DTL: variants seen among roughly 807,000 people sequenced by gnomAD.
DTL encodes the protein denticleless E3 ubiquitin protein ligase adapter.
In DTL, 46 loss-of-function variants were observed where a neutral mutation model predicts 87.0. The observed-to-expected ratio is 0.53, with a 90% CI of 0.42 to 0.68. The LOEUF (loss-of-function observed/expected upper bound fraction) is 0.68. Among genes scored for constraint, DTL ranks in the 30% least tolerant of loss-of-function variants. The pLI, the probability that DTL is intolerant of heterozygous loss-of-function variation, is 0.00. For synonymous variants in DTL, 308 were observed against 311.2 expected, an observed-to-expected ratio of 0.99 and a Z score of 0.11; for missense variants, 737 against 869.4, an observed-to-expected ratio of 0.85 and a Z score of 1.91.
Position 212,053,562 on chromosome 1 carries a change from TA to T in DTL, c.460+6146del, listed in dbSNP as rs200051595. 6.8e-3 allele frequency among the ~76,000 whole-genome samples: 1,036 copies of T among 152,218 alleles called. 16 individuals carry two copies. Among genetic ancestry groups the T allele is most frequent in the African/African-American group, 0.023 (966 of 41,538 alleles). On this transcript the variant is annotated intron_variant, in intron 5 of 14. Coordinates refer to ENST00000366991, the MANE Select transcript of DTL (RefSeq NM_016448.4). ...TCTTTTTATTGATTACAAGTGTATA[TA>T]TTTTTTTCTTCCTTTTTTTGTTTTT...
At chr1:212,061,057 G>T (rs1358265858) in intron 5 of DTL, among the ~76,000 whole-genome samples, 1 of 152,100 alleles carries the variant, frequency 6.6e-6, no homozygotes, top group Non-Finnish European at 1.5e-5. Context: ...ATATTAAAAA[G>T]TAGGCAAACA....
At chr1:212,093,656 C>A (rs116300482) in intron 13 of DTL, among the ~76,000 whole-genome samples, 1 of 152,144 alleles carries the variant, frequency 6.6e-6, no homozygotes, top group African/African-American at 2.4e-5. Flanking sequence ...CTTCTGCCAG[C>A]GTGCTTCTCA....
chr1:212,097,025 T>C (rs1655472297), intron 13 of DTL, among the ~76,000 whole-genome samples: 1 of 152,214 alleles, frequency 6.6e-6, no homozygotes, highest in African/African-American at 2.4e-5. Context: ...TTAGCAGTTT[T>C]TGTAAACTAT....
chr1:212,066,840 T>A lies in DTL; in HGVS notation c.668T>A (p.Leu223His), dbSNP rs1293621315. The A allele has an allele frequency of 6.2e-7, 1 of 1,614,018 alleles. No homozygotes were observed. Among genetic ancestry groups the A allele is most frequent in the Admixed American group, 1.7e-5 (1 of 60,022 alleles). The change falls in exon 8 of 15, where the codon CTC becomes CAC. Residue 223 changes from leucine to histidine, a missense_variant. By Grantham distance (99) the Leu-to-His change is moderately conservative. Transcript: ENST00000366991. ...VDFQQSVTVVLFQDENTLVSA... is the reference protein window; with the variant it reads ...VDFQQSVTVVHFQDENTLVSA... ...TTCCAGCAAAGTGTTACTGTGGTCC[T>A]CTTTCAAGACGAGAATACCTTAGTC... is the stretch of plus-strand genomic sequence containing the variant.
intron 11 of DTL, among the ~76,000 whole-genome samples, chr1:212,074,558 G>A (rs1051202438): frequency 2.6e-5 from 4 of 151,992 alleles, no homozygotes; most frequent in South Asian, 2.1e-4. Context: ...CACATAACTC[G>A]GTGTACAGGC....
intron 13 of DTL, among the ~76,000 whole-genome samples, chr1:212,098,070 G>A (rs1297585948): frequency 6.6e-6 from 1 of 152,152 alleles, no homozygotes; most frequent in Admixed American, 6.5e-5. Flanking sequence ...CCTGTGATGT[G>A]ATCTGTCTTC....
At chr1:212,041,872 G>A (rs559226418) in intron 1 of DTL, among the ~76,000 whole-genome samples, 1 of 152,254 alleles carries the variant, frequency 6.6e-6, no homozygotes, top group African/African-American at 2.4e-5. Flanking sequence ...CTGAAATTAT[G>A]ACGTGATGGC....
At chr1:212,066,093 A>G (rs952810603) in intron 7 of DTL, among the ~76,000 whole-genome samples, 9 of 152,310 alleles carry the variant, frequency 5.9e-5, no homozygotes, top group Middle Eastern at 3.4e-3. Flanking sequence ...AGCTCAAACA[A>G]TGCCCATAAT....
At chr1:212,065,091 G>T in intron 7 of DTL, 62 bp downstream of exon 7, 1 of 1,196,592 alleles carries the variant, frequency 8.4e-7, no homozygotes, top group Non-Finnish European at 1.2e-6. Flanking sequence ...ATAAATGGGA[G>T]GCTATTGATT....
intron 13 of DTL, among the ~76,000 whole-genome samples, chr1:212,087,032 A>T (rs1655149657): frequency 6.6e-6 from 1 of 152,220 alleles, no homozygotes; most frequent in Non-Finnish European, 1.5e-5. Flanking sequence ...TTGTAATAAT[A>T]ACAACGTTTA....
chr1:212,059,852 T>A, intron 5 of DTL, among the ~76,000 whole-genome samples: 1 of 114,012 alleles, frequency 8.8e-6, no homozygotes. Flanking sequence ...AAAATCAACA[T>A]ACAAAAAAAA....
chr1:212,067,027 A>C, intron 8 of DTL, 142 bp downstream of exon 8: 1 of 674,880 alleles, frequency 1.5e-6, no homozygotes. Context: ...AAGGAGCTAT[A>C]GATCACATTG....
intron 10 of DTL, among the ~76,000 whole-genome samples, chr1:212,070,623 CTGAA>C (rs1299148763): frequency 6.9e-6 from 1 of 143,998 alleles, no homozygotes; most frequent in Non-Finnish European, 1.6e-5. Flanking sequence ...AAAAAAAAAA[CTGAA>C]TGACAACTGT....
intron 13 of DTL, among the ~76,000 whole-genome samples, chr1:212,093,751 G>T (rs1220668185): frequency 6.6e-6 from 1 of 152,202 alleles, no homozygotes; most frequent in Non-Finnish European, 1.5e-5. Flanking sequence ...TCCTGCTAGG[G>T]TCTTGGGGGT....
At chr1:212,101,196 T>A in intron 14 of DTL, 112 bp downstream of exon 14, 1 of 792,898 alleles carries the variant, frequency 1.3e-6, no homozygotes, top group East Asian at 2.8e-5. Flanking sequence ...ATCTATTTAT[T>A]CCTAGTGCTG....
chr1:212,089,748 GC>G (rs1182721974), intron 13 of DTL, among the ~76,000 whole-genome samples: 4 of 152,134 alleles, frequency 2.6e-5, no homozygotes, highest in Non-Finnish European at 5.9e-5. Context: ...AAGAGGAAAT[GC>G]CCCAACTTTC....
chr1:212,043,053 A>G lies in DTL; in HGVS notation c.113A>G (p.Asp38Gly). 6.2e-7 allele frequency: 1 copy of G among 1,613,492 alleles called. No individual in the cohort carries two copies. The highest frequency in any genetic ancestry group is 8.5e-7 in the Non-Finnish European group (1 of 1,179,630). The change falls in exon 2 of 15, where the codon GAT (aspartate) becomes GGT (glycine). Residue 38 changes from aspartate to glycine, a missense_variant. By Grantham distance (94) the Asp-to-Gly change is moderately conservative. Transcript: ENST00000366991. ...ACTGGTTATCAGTGCAGTGGTAATGATGAACACACTTCTTATGGAGAAACA... is the reference window on the plus strand; with the variant it reads ...ACTGGTTATCAGTGCAGTGGTAATGGTGAACACACTTCTTATGGAGAAACA... ...LLTGYQCSGN[D>G]EHTSYGETGV...
Position 212,035,780 on chromosome 1 carries a change from A to T in DTL, c.-111A>T. ...GGCGGCCGGGGCTTACAGTGGCGGG[A>T]GTTGGAGGCGATAACGATTTGTGTT... On this transcript the variant is annotated 5_prime_UTR_variant, in exon 1 of 15. Coordinates refer to ENST00000366991, the MANE Select transcript of DTL (RefSeq NM_016448.4). 1.0e-6 allele frequency: 1 copy of T among 993,538 alleles called. No homozygotes were observed. The highest frequency in any genetic ancestry group is 1.5e-6 in the Non-Finnish European group (1 of 659,606). The allele number at this position is 993,538 out of a possible 1,614,324, so 61.5% of individuals were successfully genotyped here. A position where few individuals can be genotyped will look rare whatever the true frequency, so the allele number is the denominator to read the frequency against.
At chr1:212,051,267 T>G (rs1209245436) in intron 5 of DTL, among the ~76,000 whole-genome samples, 5 of 151,924 alleles carry the variant, frequency 3.3e-5, no homozygotes. Flanking sequence ...ACTCATGATT[T>G]CTCCCTGGCA....
Sources: allele counts gnomAD v4.1 joint callset (sites outside exome capture counted in the v4.1 genomes callset), GRCh38; gene constraint gnomAD v4.1.1; transcripts MANE v1.5; gene names NCBI Gene and HGNC (gene_info 2026-07-23, HGNC 2026-07-21).